The following WIF1 variants were observed in gnomAD, a reference collection of about 807,000 sequenced individuals.
The protein encoded by WIF1 is Wnt inhibitory factor 1.
WIF1 carries 35 observed loss-of-function variants against 53.5 expected under a neutral mutation model. The ratio of observed to expected loss-of-function variants is 0.65; its 90% confidence interval spans 0.50 to 0.87. WIF1 has a LOEUF of 0.87. Ranked by LOEUF, WIF1 falls within the 40% of genes least tolerant of loss-of-function variation. The pLI is 0.00. For missense variants in WIF1, 467 were observed against 476.8 expected (o/e 0.98, Z 0.19); for synonymous variants, 171 against 170.4 (o/e 1.00, Z -0.03).
intron 2 of WIF1, among the ~76,000 whole-genome samples, chr12:65,116,265 C>G (rs1883507448): frequency 6.6e-6 from 1 of 152,172 alleles, no homozygotes; most frequent in African/African-American, 2.4e-5. Flanking sequence ...CCAGGCCGCA[C>G]AGCAGGAGGT....
At chr12:65,065,921 GA>G (rs1882680485) in intron 6 of WIF1, among the ~76,000 whole-genome samples, 1 of 152,286 alleles carries the variant, frequency 6.6e-6, no homozygotes, top group Admixed American at 6.5e-5. Context: ...GCAATGTTAA[GA>G]AGGAAGAACC....
chr12:65,069,249 G>A (rs557584106), intron 3 of WIF1, among the ~76,000 whole-genome samples: 18 of 152,316 alleles, frequency 1.2e-4, no homozygotes, highest in Admixed American at 1.1e-3. Context: ...GTATACGTCA[G>A]TGTAGCATGG....
chr12:65,056,174 C>T, intron 7 of WIF1, 48 bp from the exon 8 acceptor site: 2 of 1,548,822 alleles, frequency 1.3e-6, no homozygotes, highest in South Asian at 1.1e-5. Context: ...GTGCTTCATT[C>T]AGAGGTAATT....
intron 3 of WIF1, among the ~76,000 whole-genome samples, chr12:65,073,669 A>C (rs1206836195): frequency 6.6e-6 from 1 of 152,212 alleles, no homozygotes; most frequent in African/African-American, 2.4e-5. Flanking sequence ...TTGTAGAATA[A>C]TGAATGCTAC....
Position 65,120,494 on chromosome 12 carries a change from T to G in WIF1, c.211A>C (p.Arg71=), listed in dbSNP as rs757339670. ...GKMAPFTHDF[R]KAQQRMPAIP... ...GCTGGCATTCTCTGTTGTGCTTTTC[T>G]GAAATCATGTGTAAAAGGTGCCATT... The change falls in exon 2 of 10, where the codon AGA becomes CGA. Residue 71 remains arginine (R), a synonymous_variant. Transcript: ENST00000286574. 10 of 1,614,050 alleles carry G rather than the reference T, an allele frequency of 6.2e-6. No individual in the cohort carries two copies. The highest frequency in any genetic ancestry group is 6.8e-6 in the Non-Finnish European group (8 of 1,180,018).
chr12:65,105,836 G>A lies in WIF1; in HGVS notation c.288+14581C>T, dbSNP rs1289685004. On this transcript the variant is annotated intron_variant, in intron 2 of 9. Transcript: ENST00000286574. ...TTAAACTTCAAGATGAGTTTTTGCAGGGACAAACCACACCTAAACCATTGG... is the reference window on the plus strand; with the variant it reads ...TTAAACTTCAAGATGAGTTTTTGCAAGGACAAACCACACCTAAACCATTGG... Among the ~76,000 whole-genome samples, 3 of 152,138 alleles carry A rather than the reference G, an allele frequency of 2.0e-5. No individual in the cohort carries two copies. In the East Asian group the frequency reaches 5.8e-4, roughly 29 times the overall value.
At chr12:65,077,663 T>C in intron 3 of WIF1, 83 bp downstream of exon 3, 1 of 1,003,496 alleles carries the variant, frequency 1.0e-6, no homozygotes, top group Non-Finnish European at 1.5e-6. Context: ...ATAACCTCTC[T>C]GATGTAGGAC....
chr12:65,099,099 C>T lies in WIF1; in HGVS notation c.289-21245G>A, dbSNP rs150207232. On this transcript the variant is annotated intron_variant, in intron 2 of 9. Transcript: ENST00000286574. ...TTATGGACTCGATATAGACTTAGGT[C>T]TTAAAGTCCCAGCATAATTGTTCTG... Among the ~76,000 whole-genome samples the T allele has an allele frequency of 4.5e-4, 69 of 152,284 alleles. 1 individual carries two copies. In the East Asian group the frequency reaches 0.011, roughly 25 times the overall value.
chr12:65,051,038 A>G lies in WIF1; in HGVS notation c.*311T>C. The G allele has an allele frequency of 3.9e-6, 1 of 257,896 alleles. No individual in the cohort carries two copies. Among genetic ancestry groups the G allele is most frequent in the Non-Finnish European group, 7.4e-6 (1 of 135,186 alleles). The allele number at this position is 257,896 out of a possible 1,614,324, so 16.0% of individuals were successfully genotyped here. A position where few individuals can be genotyped will look rare whatever the true frequency, so the allele number is the denominator to read the frequency against. On this transcript the variant is annotated 3_prime_UTR_variant, in exon 10 of 10. Transcript: ENST00000286574. ...ACCTTTCTGATGTTCCCCTGCCCCC[A>G]GACACCATAAATGCATTGTAATTTT...
intron 2 of WIF1, 43 bp from the exon 3 acceptor site, chr12:65,077,897 G>A (rs758266666): frequency 6.9e-7 from 1 of 1,454,488 alleles, no homozygotes; most frequent in South Asian, 1.2e-5. Context: ...GGAAACCAGA[G>A]AGGGAGAAGG....
intron 2 of WIF1, among the ~76,000 whole-genome samples, chr12:65,109,963 A>G (rs553516572): frequency 6.6e-6 from 1 of 152,332 alleles, no homozygotes; most frequent in Admixed American, 6.5e-5. Flanking sequence ...GGCAACAAAC[A>G]ATACAATTTT....
intron 2 of WIF1, among the ~76,000 whole-genome samples, chr12:65,101,529 A>G (rs144307435): frequency 1.3e-5 from 2 of 152,342 alleles, no homozygotes; most frequent in African/African-American, 2.4e-5. Flanking sequence ...TTTTATTAAC[A>G]TTAAAATGGC....
At chr12:65,066,252 G>A (rs1882684646) in intron 6 of WIF1, among the ~76,000 whole-genome samples, 1 of 152,118 alleles carries the variant, frequency 6.6e-6, no homozygotes, top group Non-Finnish European at 1.5e-5. Flanking sequence ...GGTAAATTCT[G>A]GGCCAGGGCT....
intron 7 of WIF1, among the ~76,000 whole-genome samples, chr12:65,059,157 T>C (rs1053216899): frequency 4.6e-5 from 7 of 152,174 alleles, no homozygotes; most frequent in African/African-American, 1.7e-4. Flanking sequence ...TGAGTCCTTG[T>C]AAGAAGAATG....
chr12:65,103,928 A>G (rs970282533), intron 2 of WIF1, among the ~76,000 whole-genome samples: 2 of 152,084 alleles, frequency 1.3e-5, no homozygotes, highest in Non-Finnish European at 2.9e-5. Context: ...AGCCAGGCAC[A>G]GTGGTGCATA....
At chr12:65,098,480 T>C (rs1287427771) in intron 2 of WIF1, among the ~76,000 whole-genome samples, 1 of 152,178 alleles carries the variant, frequency 6.6e-6, no homozygotes, top group East Asian at 1.9e-4. Context: ...TGGCTCAGCA[T>C]GCTTTCCATG....
intron 2 of WIF1, chr12:65,095,865 A>T (rs947185738): frequency 6.6e-6 from 1 of 152,234 alleles, no homozygotes. Context: ...TCAAAACTTA[A>T]TTCAAGATGG....
chr12:65,111,145 G>A (rs947679786), intron 2 of WIF1, among the ~76,000 whole-genome samples: 4 of 152,180 alleles, frequency 2.6e-5, no homozygotes, highest in South Asian at 2.1e-4. Context: ...GGCACTCCTT[G>A]TTCCTGGCAC....
intron 2 of WIF1, among the ~76,000 whole-genome samples, chr12:65,115,105 C>T (rs577980505): frequency 3.0e-3 from 454 of 150,252 alleles, no homozygotes; most frequent in Non-Finnish European, 4.9e-3. Context: ...TCTTAGAAAT[C>T]CAGGCCCTTG....
Sources: gnomAD v4.1 joint callset for allele counts (sites outside exome capture counted in the v4.1 genomes callset) on GRCh38, gnomAD v4.1.1 for gene constraint, MANE v1.5 for transcripts, NCBI Gene and HGNC (gene_info 2026-07-23, HGNC 2026-07-21) for gene names.